Variants in CPEB3 observed in about 807,000 individuals in gnomAD.
CPEB3 encodes cytoplasmic polyadenylation element-binding protein 3.
Under a neutral mutation model 67.2 loss-of-function variants are expected in CPEB3, and 20 were observed. The observed-to-expected ratio is 0.30, with a 90% confidence interval of 0.21 to 0.43. The LOEUF (loss-of-function observed/expected upper bound fraction) is 0.43. CPEB3 is among the 20% of genes least tolerant of loss of function. CPEB3 has a pLI of 1.00. For missense variants in CPEB3, 746 were observed against 968.6 expected (o/e 0.77, Z 3.05); for synonymous variants, 376 against 393.1 (o/e 0.96, Z 0.51).
chr10:92,146,281 A>C (rs564095500), intron 4 of CPEB3, among the ~76,000 whole-genome samples: 7 of 152,206 alleles, frequency 4.6e-5, no homozygotes, highest in Non-Finnish European at 8.8e-5. Context: ...TTGGCATTAC[A>C]AAATAAAATC....
At chr10:92,091,972 T>C in intron 7 of CPEB3, 28 bp from the exon 8 acceptor site, 1 of 1,345,116 alleles carries the variant, frequency 7.4e-7, no homozygotes. Flanking sequence ...ACTTGGTCCT[T>C]ACTTCATTTC....
chr10:92,136,185 G>T (rs1220743719), intron 6 of CPEB3, among the ~76,000 whole-genome samples: 1 of 151,118 alleles, frequency 6.6e-6, no homozygotes, highest in Non-Finnish European at 1.5e-5. Context: ...TTCAAATTAA[G>T]ACCTCAAACT....
chr10:92,288,719 A>T (rs1197188827), intron 1 of CPEB3, among the ~76,000 whole-genome samples: 1 of 152,222 alleles, frequency 6.6e-6, no homozygotes, highest in Non-Finnish European at 1.5e-5. Flanking sequence ...CTTTGCTATC[A>T]ACAAAAGGTA....
chr10:92,224,212 T>C (rs61360462), intron 2 of CPEB3, among the ~76,000 whole-genome samples: 1 of 152,220 alleles, frequency 6.6e-6, no homozygotes, highest in Non-Finnish European at 1.5e-5. Flanking sequence ...GTTGCTTAAA[T>C]CTGTCCCTTC....
intron 2 of CPEB3, among the ~76,000 whole-genome samples, chr10:92,234,768 T>C (rs1851446142): frequency 6.6e-6 from 1 of 151,600 alleles, no homozygotes; most frequent in Admixed American, 6.6e-5. Flanking sequence ...CTACTAAAAA[T>C]ATAAAAATTA....
intron 1 of CPEB3, among the ~76,000 whole-genome samples, chr10:92,282,671 C>G (rs535150551): frequency 5.3e-5 from 8 of 150,218 alleles, no homozygotes; most frequent in Non-Finnish European, 1.2e-4. Flanking sequence ...GGTGACAGAG[C>G]AAGATCCCAT....
intron 8 of CPEB3, among the ~76,000 whole-genome samples, chr10:92,088,667 CT>C (rs1482525895): frequency 6.6e-6 from 1 of 151,748 alleles, no homozygotes; most frequent in East Asian, 1.9e-4. Flanking sequence ...AGGAATAACA[CT>C]TCAGTGATAA....
chr10:92,266,007 A>G (rs141318275), intron 1 of CPEB3, among the ~76,000 whole-genome samples: 38 of 152,200 alleles, frequency 2.5e-4, no homozygotes, highest in South Asian at 6.2e-4. Context: ...TGGGACTGTT[A>G]GCTTTACAAG....
intron 2 of CPEB3, among the ~76,000 whole-genome samples, chr10:92,193,343 A>C (rs1263254647): frequency 6.6e-6 from 1 of 152,206 alleles, no homozygotes; most frequent in Non-Finnish European, 1.5e-5. Context: ...AAAGGAACTA[A>C]AATAGTAAAT....
chr10:92,252,215 A>G (rs771777125), intron 1 of CPEB3, among the ~76,000 whole-genome samples: 1 of 152,182 alleles, frequency 6.6e-6, no homozygotes, highest in Non-Finnish European at 1.5e-5. Context: ...ACAGAAACAA[A>G]AAAAGGCAGA....
intron 6 of CPEB3, among the ~76,000 whole-genome samples, chr10:92,142,787 C>G (rs547873978): frequency 6.6e-6 from 1 of 152,288 alleles, no homozygotes; most frequent in Non-Finnish European, 1.5e-5. Context: ...GGAGGCTCAT[C>G]CACAACAGAC....
At chr10:92,279,226 T>C (rs1381437682) in intron 1 of CPEB3, among the ~76,000 whole-genome samples, 1 of 152,082 alleles carries the variant, frequency 6.6e-6, no homozygotes, top group Non-Finnish European at 1.5e-5. Context: ...TATTCCTGAG[T>C]GGTCTTTTTC....
chr10:92,053,081 C>G (rs1841962216), intron 9 of CPEB3, among the ~76,000 whole-genome samples: 1 of 152,156 alleles, frequency 6.6e-6, no homozygotes, highest in Non-Finnish European at 1.5e-5. Flanking sequence ...ATACCATGGA[C>G]TGGAGAGGAA....
rs1239915802 is a variant in CPEB3 at position 92,133,288 on chromosome 10, G to C, written c.1453+9741C>G. On this transcript the variant is annotated intron_variant, in intron 6 of 9. Transcript: ENST00000265997. ...GACTGCTAGCAAGACTAATAAAGAA[G>C]AAAAGAGAGAAGAATCAAATAGACG... Among the ~76,000 whole-genome samples the C allele has an allele frequency of 2.0e-5, 3 of 151,964 alleles. No homozygotes were observed. The South Asian group carries it at 6.2e-4, about 32-fold the overall frequency.
chr10:92,256,118 C>T (rs1464007647), intron 1 of CPEB3, among the ~76,000 whole-genome samples: 2 of 152,250 alleles, frequency 1.3e-5, no homozygotes, highest in Non-Finnish European at 1.5e-5. Flanking sequence ...TCCCCTTTTC[C>T]CTGAGAGACA....
chr10:92,164,042 A>T (rs1198187011), intron 4 of CPEB3, among the ~76,000 whole-genome samples: 1 of 152,226 alleles, frequency 6.6e-6, no homozygotes, highest in Non-Finnish European at 1.5e-5. Context: ...TGATAAGCAA[A>T]ATACTAGCAT....
chr10:92,101,678 A>G lies in CPEB3; in HGVS notation c.1572+9398T>C, dbSNP rs547226082. On this transcript the variant is annotated intron_variant, in intron 7 of 9. Transcript: ENST00000265997. ...TCCCAGCACTTTGGGAGGCCAAGGC[A>G]GGCAGATCACTTGAGGTCAGGAGTT... Among the ~76,000 whole-genome samples, 20 of 152,268 alleles carry G rather than the reference A, an allele frequency of 1.3e-4. No homozygotes were observed. The South Asian group carries it at 1.7e-3, about 13-fold the overall frequency.
At chr10:92,167,347 A>T (rs1331779280) in intron 4 of CPEB3, among the ~76,000 whole-genome samples, 4 of 152,224 alleles carry the variant, frequency 2.6e-5, no homozygotes, top group Non-Finnish European at 5.9e-5. Flanking sequence ...AGCTTTCAAC[A>T]TGCCTTCTTC....
At chr10:92,188,820 T>G (rs1221200739) in intron 3 of CPEB3, among the ~76,000 whole-genome samples, 2 of 152,226 alleles carry the variant, frequency 1.3e-5, no homozygotes, top group Non-Finnish European at 2.9e-5. Flanking sequence ...TTCAGTGTGC[T>G]GTGAAGAAAG....
Sources: allele counts gnomAD v4.1 joint callset (sites outside exome capture counted in the v4.1 genomes callset), GRCh38; gene constraint gnomAD v4.1.1; transcripts MANE v1.5; gene names NCBI Gene and HGNC (gene_info 2026-07-23, HGNC 2026-07-21).